The following ZC3H7A variants were observed in gnomAD, a reference collection of about 807,000 sequenced individuals.
ZC3H7A encodes zinc finger CCCH-type containing 7A.
A neutral mutation model predicts 125.5 loss-of-function variants in ZC3H7A; 44 were observed. That is an observed-to-expected ratio of 0.35 (90% confidence interval 0.28 to 0.45). The LOEUF (loss-of-function observed/expected upper bound fraction) is 0.45. ZC3H7A is among the 20% of genes least tolerant of loss of function. The pLI is 1.00. For synonymous variants in ZC3H7A, 399 were observed against 391.2 expected, an observed-to-expected ratio of 1.02 and a Z score of -0.23; for missense variants, 977 against 1,170.7, an observed-to-expected ratio of 0.83 and a Z score of 2.41.
chr16:11,773,110 A>G (rs2053015845), intron 9 of ZC3H7A, among the ~76,000 whole-genome samples: 1 of 152,014 alleles, frequency 6.6e-6, no homozygotes, highest in Admixed American at 6.5e-5. Flanking sequence ...GACAGCACAT[A>G]AAATGAATAG....
chr16:11,779,492 T>C, intron 3 of ZC3H7A, 129 bp from the exon 4 acceptor site: 1 of 782,542 alleles, frequency 1.3e-6, no homozygotes, highest in Non-Finnish European at 2.0e-6. Context: ...TCTAAGAAAT[T>C]GTGAGATGCA....
intron 20 of ZC3H7A, among the ~76,000 whole-genome samples, chr16:11,758,079 G>A (rs1567373418): frequency 1.3e-5 from 2 of 152,188 alleles, no homozygotes; most frequent in African/African-American, 2.4e-5. Context: ...TAATTCAGAG[G>A]GCAAACTATT....
intron 1 of ZC3H7A, among the ~76,000 whole-genome samples, chr16:11,785,780 C>A (rs1435760956): frequency 6.6e-6 from 1 of 152,102 alleles, no homozygotes; most frequent in Non-Finnish European, 1.5e-5. Flanking sequence ...CCACCACGCC[C>A]GGCTACTTTT....
chr16:11,778,137 T>C (rs2053113431), intron 4 of ZC3H7A, among the ~76,000 whole-genome samples: 1 of 150,846 alleles, frequency 6.6e-6, no homozygotes, highest in Non-Finnish European at 1.5e-5. Context: ...TTACTATTTC[T>C]TGATTTAAAA....
In ZC3H7A at chr16:11,770,780, T is replaced by C. The variant is rs762146099; in HGVS notation, c.1108+3A>G. ...TTGTTTACAATTTAGATTTGGTTCT[T>C]ACCTCGTTTGGATTCACTCATTGAA... On this transcript the variant is annotated splice_donor_region_variant and intron_variant, in intron 10 of 22. Transcript: ENST00000355758. 6.2e-7 allele frequency: 1 copy of C among 1,607,550 alleles called. No homozygotes were observed. The highest frequency in any genetic ancestry group is 2.2e-5 in the East Asian group (1 of 44,866).
rs369969379 is a variant in ZC3H7A at position 11,763,405 on chromosome 16, G to T, written c.2002+73C>A. 5.3e-5 allele frequency: 78 copies of T among 1,464,900 alleles called. No individual in the cohort carries two copies. The South Asian group carries it at 9.8e-4, about 18-fold the overall frequency. 90.7% of individuals were successfully genotyped at this position (1,464,900 alleles called of 1,614,324 possible). On this transcript the variant is annotated intron_variant, in intron 16 of 22. Coordinates refer to ENST00000355758, the MANE Select transcript of ZC3H7A (RefSeq NM_014153.4). ...ATTACAGGCATGAGCCACCACGCCA[G>T]GCCCAAATTACTGTTTCATTAAACC...
intron 1 of ZC3H7A, among the ~76,000 whole-genome samples, chr16:11,793,886 T>G (rs1567399091): frequency 6.6e-6 from 1 of 152,170 alleles, no homozygotes; most frequent in Non-Finnish European, 1.5e-5. Context: ...TAATGTTACA[T>G]TTTGGCTGGA....
At chr16:11,768,532 A>AC (rs779567953) in intron 11 of ZC3H7A, 31 bp from the exon 12 acceptor site, 14 of 1,445,508 alleles carry the variant, frequency 9.7e-6, no homozygotes, top group Non-Finnish European at 1.2e-5. Flanking sequence ...AAAAAAAAAA[A>AC]AACAGCCAAC....
chr16:11,779,056 G>A (rs1048874502), intron 4 of ZC3H7A, 110 bp downstream of exon 4: 1 of 955,798 alleles, frequency 1.0e-6, no homozygotes, highest in Non-Finnish European at 1.5e-6. Flanking sequence ...TCCAAAAGCA[G>A]GTAATATGAC....
At chr16:11,793,542 G>A (rs2053385781) in intron 1 of ZC3H7A, among the ~76,000 whole-genome samples, 1 of 151,774 alleles carries the variant, frequency 6.6e-6, no homozygotes, top group Non-Finnish European at 1.5e-5. Context: ...CAAAAAAAAG[G>A]GGGTGGGGGG....
chr16:11,782,316 C>T lies in ZC3H7A; in HGVS notation c.39G>A (p.Gln13=), dbSNP rs770474565. ...TAAACTGCAGTCCTTCCTTAATGTTCTGCTGCCTTTTTCTTCTCTCCTCGG... is the reference window on the plus strand; with the variant it reads ...TAAACTGCAGTCCTTCCTTAATGTTTTGCTGCCTTTTTCTTCTCTCCTCGG... ...NVSEERRKRQ[Q]NIKEGLQFIQ... is the part of the protein sequence containing the mutation. The change falls in exon 2 of 23, where the codon CAG becomes CAA. Residue 13 remains glutamine (Q), a synonymous_variant. Coordinates refer to ENST00000355758, the MANE Select transcript of ZC3H7A (RefSeq NM_014153.4). 23 of 1,614,068 alleles carry T rather than the reference C, an allele frequency of 1.4e-5. No individual in the cohort carries two copies. Among genetic ancestry groups the T allele is most frequent in the Admixed American group, 1.7e-5 (1 of 59,990 alleles).
rs1158630178 is a variant in ZC3H7A, at chr16:11,765,056, T to C, written c.1817A>G (p.Asn606Ser). The part of the protein sequence containing the change: ...HPVTKHEFED[N>S]KCLVHILRET... ...AAATTAGAAACTATCAACATACTTA[T>C]TGTCTTCAAACTCATGCTTTGTAAC... The change falls in exon 15 of 23, where the codon AAT becomes AGT. Residue 606 changes from asparagine to serine, a missense_variant. Coordinates refer to ENST00000355758, the MANE Select transcript of ZC3H7A (RefSeq NM_014153.4). This position sits in a 1 kb window ranked among gnomAD's most constrained non-coding sequence, Gnocchi z 4.8. 2 of 1,552,408 alleles carry C rather than the reference T, an allele frequency of 1.3e-6. No homozygotes were observed. Among genetic ancestry groups the C allele is most frequent in the Non-Finnish European group, 1.7e-6 (2 of 1,146,602 alleles).
At chr16:11,787,149 A>C (rs1459971259) in intron 1 of ZC3H7A, among the ~76,000 whole-genome samples, 1 of 152,020 alleles carries the variant, frequency 6.6e-6, no homozygotes, top group East Asian at 1.9e-4. Context: ...TCTCTACAAA[A>C]AATTAAGCCA....
In ZC3H7A at chr16:11,770,912, C is replaced by A; in HGVS notation, c.979G>T (p.Gly327Ter). ...PSMPFSASLL[G>*]TLPIGARYAP... ...TACCTCGCACCAATGGGTAAGGTTC[C>A]TAACAGCGATGCCGAAAAGGGCATG... is the stretch of plus-strand genomic sequence containing the variant. Residue 327 changes from glycine (G) to a stop codon, truncating the protein, a stop_gained, in exon 10 of 23, where the codon GGA (glycine) becomes TGA (stop). Coordinates refer to ENST00000355758, the MANE Select transcript of ZC3H7A (RefSeq NM_014153.4). LOFTEE classifies it high-confidence loss of function. The A allele has an allele frequency of 6.2e-7, 1 of 1,614,058 alleles. No homozygotes were observed. Among genetic ancestry groups the A allele is most frequent in the Non-Finnish European group, 8.5e-7 (1 of 1,179,974 alleles).
intron 3 of ZC3H7A, 132 bp downstream of exon 3, chr16:11,781,293 T>A: frequency 2.7e-6 from 2 of 749,206 alleles, no homozygotes; most frequent in Non-Finnish European, 4.2e-6. Context: ...AAAAATAAAA[T>A]AAAATAAAAT....
intron 4 of ZC3H7A, among the ~76,000 whole-genome samples, chr16:11,777,406 C>T (rs10492854): frequency 0.55 from 82,962 of 152,070 alleles, 24,944 homozygotes; most frequent in East Asian, 0.81. Context: ...TATATTTTAC[C>T]GAGTATCCAC....
chr16:11,794,301 GCTTT>G (rs1349322047), intron 1 of ZC3H7A, among the ~76,000 whole-genome samples: 3 of 151,996 alleles, frequency 2.0e-5, no homozygotes, highest in African/African-American at 4.8e-5. Context: ...AAAGCTTCCC[GCTTT>G]CTATTTGTGA....
rs1367683858 is a variant in ZC3H7A, at chr16:11,789,557, CAT to C, written c.-34-7171_-34-7170del. Reference sequence around the variant, plus strand: ...GCATGAGCCACTGCGCCCGGCCGTGCATATGTTCTTTTTTATTCAAACTGGAG... The same window carrying C: ...GCATGAGCCACTGCGCCCGGCCGTGCATGTTCTTTTTTATTCAAACTGGAG... On this transcript the variant is annotated intron_variant, in intron 1 of 22. Coordinates refer to ENST00000355758, the MANE Select transcript of ZC3H7A (RefSeq NM_014153.4). Among the ~76,000 whole-genome samples, 9 of 152,212 alleles carry C rather than the reference CAT, an allele frequency of 5.9e-5. No homozygotes were observed. The East Asian group carries it at 1.7e-3, about 29-fold the overall frequency.
intron 1 of ZC3H7A, chr16:11,782,972 A>G (rs185297872): frequency 6.6e-6 from 1 of 152,488 alleles, no homozygotes; most frequent in East Asian, 1.9e-4. Flanking sequence ...CCTCCTGAGC[A>G]GTCTCCAGGA....
Sources: gnomAD v4.1 joint callset for allele counts (sites outside exome capture counted in the v4.1 genomes callset) on GRCh38, gnomAD v4.1.1 for gene constraint, Gnocchi (gnomAD v3.1) non-coding constraint, MANE v1.5 for transcripts, NCBI Gene and HGNC (gene_info 2026-07-23, HGNC 2026-07-21) for gene names.